The following GRIK2 variants were observed in gnomAD, a reference collection of about 807,000 sequenced individuals.
GRIK2 encodes glutamate ionotropic receptor kainate type subunit 2.
A neutral mutation model predicts 100.3 loss-of-function variants in GRIK2; 32 were observed. The observed-to-expected ratio is 0.32, with a 90% CI of 0.24 to 0.43. GRIK2 has a LOEUF of 0.43. GRIK2 is among the 20% of genes least tolerant of loss of function. The pLI is 1.00. For synonymous variants in GRIK2, 417 were observed against 389.4 expected (o/e 1.07, Z -0.83); for missense variants, 843 against 1,114.9 (o/e 0.76, Z 3.47).
intron 14 of GRIK2, among the ~76,000 whole-genome samples, chr6:101,984,614 AACACACACACACACACACACAC>A (rs10678285): frequency 3.1e-5 from 4 of 129,158 alleles, no homozygotes; most frequent in Non-Finnish European, 4.9e-5. Context: ...TACACATTAA[AACACACACACACACACACACAC>A]ACACACACAC....
chr6:102,056,395 G>A (rs1055590518), intron 16 of GRIK2, among the ~76,000 whole-genome samples: 7 of 151,880 alleles, frequency 4.6e-5, no homozygotes, highest in Non-Finnish European at 4.4e-5. Flanking sequence ...GATGCTACAT[G>A]ATACTTTTTG....
At chr6:101,556,320 A>ACTTTTTTTTTTTTTTT (rs1304574158) in intron 2 of GRIK2, among the ~76,000 whole-genome samples, 1 of 55,362 alleles carries the variant, frequency 1.8e-5, no homozygotes, top group Non-Finnish European at 4.1e-5. Flanking sequence ...ATATATTGGT[A>ACTTTTTTTTTTTTTTT]ATTTTTTTTT....
At chr6:101,397,135 A>G (rs913736715) in intron 1 of GRIK2, among the ~76,000 whole-genome samples, 2 of 152,230 alleles carry the variant, frequency 1.3e-5, no homozygotes, top group African/African-American at 2.4e-5. Context: ...TCAGGTTCCA[A>G]TAAATGCCAG....
intron 7 of GRIK2, among the ~76,000 whole-genome samples, chr6:101,749,213 A>G (rs1219355863): frequency 6.6e-6 from 1 of 152,050 alleles, no homozygotes; most frequent in Non-Finnish European, 1.5e-5. Flanking sequence ...GGTTCAAGCG[A>G]TTCTCCGGCC....
At chr6:101,543,965 T>C (rs532241135) in intron 2 of GRIK2, among the ~76,000 whole-genome samples, 2 of 152,046 alleles carry the variant, frequency 1.3e-5, no homozygotes, top group Non-Finnish European at 2.9e-5. Context: ...GAGTATAATA[T>C]AGCAGAAGAA....
At chr6:101,659,984 G>A (rs938954042) in intron 4 of GRIK2, among the ~76,000 whole-genome samples, 3 of 152,108 alleles carry the variant, frequency 2.0e-5, no homozygotes, top group Admixed American at 6.5e-5. Flanking sequence ...TCTTTGTGGT[G>A]TTCTCTGTGT....
At chr6:102,038,683 T>C (rs535125642) in intron 15 of GRIK2, among the ~76,000 whole-genome samples, 2 of 149,638 alleles carry the variant, frequency 1.3e-5, no homozygotes, top group East Asian at 4.0e-4. Flanking sequence ...CATTAAGGTG[T>C]GAAAAATATT....
intron 1 of GRIK2, among the ~76,000 whole-genome samples, chr6:101,394,074 T>C (rs1774907233): frequency 6.6e-6 from 1 of 152,202 alleles, no homozygotes; most frequent in Non-Finnish European, 1.5e-5. Flanking sequence ...GTGGCTCTGT[T>C]GGCTGCAGTC....
At position 102,026,111 on chromosome 6, in the gene GRIK2, C is replaced by CATATATAT. The variant is rs6149730; in HGVS notation, c.2086-9193_2086-9186dup. ...GTAAAGGCATATACATATACACTTA[C>CATATATAT]ATATATATATATATATATATATATA... On this transcript the variant is annotated intron_variant, in intron 14 of 16. Coordinates refer to ENST00000369134, the MANE Select transcript of GRIK2 (RefSeq NM_021956.5). Among the ~76,000 whole-genome samples, 453 of 100,016 alleles carry CATATATAT rather than the reference C, an allele frequency of 4.5e-3. 9 individuals carry two copies. Among genetic ancestry groups the CATATATAT allele is most frequent in the Non-Finnish European group, 6.2e-3 (312 of 50,396 alleles). The allele number at this position is 100,016 out of a possible 152,430, so 65.6% of individuals were successfully genotyped here.
chr6:101,656,323 A>G (rs1769172688), intron 4 of GRIK2, among the ~76,000 whole-genome samples: 1 of 151,546 alleles, frequency 6.6e-6, no homozygotes, highest in Non-Finnish European at 1.5e-5. Flanking sequence ...AAAAGAAAAA[A>G]GAAATGATAA....
intron 14 of GRIK2, among the ~76,000 whole-genome samples, chr6:101,946,184 G>T (rs1339316218): frequency 6.6e-6 from 1 of 151,784 alleles, no homozygotes; most frequent in Admixed American, 6.6e-5. Context: ...AGAAAGTGAA[G>T]AAAATGGAAA....
At chr6:101,820,510 A>G (rs1247036022) in intron 10 of GRIK2, among the ~76,000 whole-genome samples, 3 of 151,974 alleles carry the variant, frequency 2.0e-5, no homozygotes, top group African/African-American at 7.3e-5. Context: ...CAGACTCATG[A>G]TCTCGGCTCA....
chr6:102,040,046 T>C (rs1770483984), intron 15 of GRIK2, among the ~76,000 whole-genome samples: 1 of 151,496 alleles, frequency 6.6e-6, no homozygotes, highest in African/African-American at 2.4e-5. Context: ...AAATCAATAG[T>C]GAATTCCAGT....
intron 4 of GRIK2, among the ~76,000 whole-genome samples, chr6:101,637,569 A>C (rs144522566): frequency 1.4e-3 from 206 of 152,242 alleles, no homozygotes; most frequent in African/African-American, 4.7e-3. Flanking sequence ...GTGCTGAAAC[A>C]ACGCCCTGCC....
intron 10 of GRIK2, among the ~76,000 whole-genome samples, chr6:101,852,042 T>G (rs539732890): frequency 1.3e-5 from 2 of 151,984 alleles, no homozygotes; most frequent in African/African-American, 4.8e-5. Flanking sequence ...GTAGTTGTTA[T>G]GGAGAATACA....
chr6:101,818,741 C>T (rs2128422085), intron 10 of GRIK2, among the ~76,000 whole-genome samples: 1 of 152,048 alleles, frequency 6.6e-6, no homozygotes, highest in South Asian at 2.1e-4. Flanking sequence ...TTTCATTTTT[C>T]CAAAATTAGT....
chr6:101,843,504 C>G (rs1433567099), intron 10 of GRIK2, among the ~76,000 whole-genome samples: 1 of 152,112 alleles, frequency 6.6e-6, no homozygotes. Flanking sequence ...TAAATAATTT[C>G]TATCCCATGT....
chr6:101,412,782 A>G (rs1445749516), intron 2 of GRIK2, among the ~76,000 whole-genome samples: 2 of 151,968 alleles, frequency 1.3e-5, no homozygotes, highest in Non-Finnish European at 2.9e-5. Flanking sequence ...GCTTACATTC[A>G]TATATATTCA....
intron 7 of GRIK2, among the ~76,000 whole-genome samples, chr6:101,688,665 G>A (rs1771879141): frequency 6.6e-6 from 1 of 151,862 alleles, no homozygotes; most frequent in African/African-American, 2.4e-5. Context: ...AAAATGGACT[G>A]ATGAAAAAAT....
Sources: allele counts gnomAD v4.1 joint callset (sites outside exome capture counted in the v4.1 genomes callset), GRCh38; gene constraint gnomAD v4.1.1; transcripts MANE v1.5; gene names NCBI Gene and HGNC (gene_info 2026-07-23, HGNC 2026-07-21).